Variants in SBNO1 observed in about 807,000 individuals in gnomAD.
SBNO1 encodes the protein strawberry notch homolog 1.
In SBNO1, 23 loss-of-function variants were observed where a neutral mutation model predicts 173.6. The ratio of observed to expected loss-of-function variants is 0.13; its 90% CI spans 0.10 to 0.19. SBNO1 has a LOEUF of 0.19. Among genes scored for constraint, SBNO1 ranks in the 10% least tolerant of loss-of-function variants. The pLI is 1.00. For missense variants in SBNO1, 1,238 were observed against 1,671.2 expected, an observed-to-expected ratio of 0.74 and a Z score of 4.52; for synonymous variants, 632 against 571.5, an observed-to-expected ratio of 1.11 and a Z score of -1.51.
chr12:123,346,641 G>A (rs989676253), intron 3 of SBNO1, among the ~76,000 whole-genome samples: 1 of 152,080 alleles, frequency 6.6e-6, no homozygotes, highest in Admixed American at 6.6e-5. Flanking sequence ...TCCAACCTGG[G>A]CGACAGAGCG....
intron 5 of SBNO1, among the ~76,000 whole-genome samples, chr12:123,340,296 C>T (rs752749475): frequency 2.0e-5 from 3 of 152,062 alleles, no homozygotes; most frequent in Middle Eastern, 3.2e-3. Flanking sequence ...AGAATTCTAA[C>T]CAGGCCGGGT....
At chr12:123,317,492 G>A in intron 20 of SBNO1, 136 bp from the exon 21 acceptor site, 1 of 774,084 alleles carries the variant, frequency 1.3e-6, no homozygotes, top group Non-Finnish European at 2.1e-6. Context: ...TTATTTCCCA[G>A]TCTCCCTTAC....
intron 27 of SBNO1, 25 bp from the exon 28 acceptor site, chr12:123,309,427 A>T: frequency 1.9e-6 from 3 of 1,607,568 alleles, no homozygotes; most frequent in Non-Finnish European, 2.6e-6. Flanking sequence ...ACGAAATTTA[A>T]ACTCATTTCT....
At chr12:123,310,629 G>A (rs1014485898) in intron 25 of SBNO1, among the ~76,000 whole-genome samples, 1 of 152,018 alleles carries the variant, frequency 6.6e-6, no homozygotes. Flanking sequence ...CTGCCTCGCG[G>A]GTTCAAGTAA....
intron 1 of SBNO1, among the ~76,000 whole-genome samples, chr12:123,353,038 T>C (rs1272309420): frequency 6.6e-6 from 1 of 152,032 alleles, no homozygotes; most frequent in African/African-American, 2.4e-5. Flanking sequence ...GCTCAGGCAA[T>C]CCGTCCGCCT....
chr12:123,306,847 T>C (rs1413160066), intron 28 of SBNO1, among the ~76,000 whole-genome samples: 1 of 151,972 alleles, frequency 6.6e-6, no homozygotes, highest in Non-Finnish European at 1.5e-5. Context: ...CTGTTTCTTA[T>C]AATGACATGC....
rs569432262 is a variant in SBNO1, at chr12:123,293,041, G to A, written c.*2867C>T. 5 of 152,276 alleles carry A rather than the reference G, an allele frequency of 3.3e-5. No individual in the cohort carries two copies. Among genetic ancestry groups the A allele is most frequent in the Middle Eastern group, 6.8e-3 (2 of 294 alleles). 9.4% of individuals were successfully genotyped at this position (152,276 alleles called of 1,614,324 possible). A position where few individuals can be genotyped will look rare whatever the true frequency, so the allele number is the denominator to read the frequency against. ...GGAAGTGGTTTTCAGTACAATTGAC[G>A]CTGTAAACTCTGAAAACACGAACAT... is the stretch of plus-strand genomic sequence containing the variant. On this transcript the variant is annotated 3_prime_UTR_variant, in exon 32 of 32. Coordinates refer to ENST00000602398, the MANE Select transcript of SBNO1 (RefSeq NM_001167856.3).
Position 123,309,694 on chromosome 12 carries a change from A to T in SBNO1, c.3442+16T>A. On this transcript the variant is annotated intron_variant, in intron 26 of 31. Coordinates refer to ENST00000602398, the MANE Select transcript of SBNO1 (RefSeq NM_001167856.3). ...TTCCCTGGGGACATTGTGGGGGGGAAATTTTCCCTACTTACCTAAGATTCC... is the reference window on the plus strand; with the variant it reads ...TTCCCTGGGGACATTGTGGGGGGGATATTTTCCCTACTTACCTAAGATTCC... The T allele has an allele frequency of 6.2e-7, 1 of 1,610,636 alleles. No homozygotes were observed. The highest frequency in any genetic ancestry group is 1.7e-4 in the Middle Eastern group (1 of 6,050).
chr12:123,311,732 ATATATATATATATATATT>A (rs1165383619), intron 24 of SBNO1, among the ~76,000 whole-genome samples: 2 of 111,132 alleles, frequency 1.8e-5, no homozygotes, highest in African/African-American at 3.1e-5. Flanking sequence ...ATATATATAT[ATATATATATATATATATT>A]TTTGCGACAG....
chr12:123,342,453 G>GA (rs1035999547), intron 4 of SBNO1, among the ~76,000 whole-genome samples: 29 of 150,904 alleles, frequency 1.9e-4, no homozygotes, highest in African/African-American at 6.1e-4. Context: ...TCTCAAAAAA[G>GA]AAAAAAAACA....
At chr12:123,325,828 T>G (rs7304190) in intron 14 of SBNO1, among the ~76,000 whole-genome samples, 11,271 of 152,248 alleles carry the variant, frequency 0.074, 1,138 homozygotes, top group African/African-American at 0.23. Flanking sequence ...GTGAAGCCCC[T>G]GCCCTTGTAC....
At chr12:123,326,958 G>C (rs933907675) in intron 13 of SBNO1, among the ~76,000 whole-genome samples, 1 of 152,018 alleles carries the variant, frequency 6.6e-6, no homozygotes, top group Non-Finnish European at 1.5e-5. Context: ...AAAACACATT[G>C]GTTAAACAGC....
In SBNO1 at chr12:123,331,574, T is replaced by G. The variant is rs192935585; in HGVS notation, c.910-199A>C. On this transcript the variant is annotated intron_variant, in intron 7 of 31. Coordinates refer to ENST00000602398, the MANE Select transcript of SBNO1 (RefSeq NM_001167856.3). ...TCTCGCTCTGTCGCCCAGGTTGGAG[T>G]GCAGTGGCGCGATCTTGGCTCACTG... 4.9e-3 allele frequency among the ~76,000 whole-genome samples: 744 copies of G among 152,246 alleles called. 6 individuals are homozygous for G. Among genetic ancestry groups the G allele is most frequent in the Non-Finnish European group, 8.5e-3 (581 of 68,020 alleles).
At chr12:123,322,660 C>T (rs951486367) in intron 16 of SBNO1, among the ~76,000 whole-genome samples, 24 of 151,544 alleles carry the variant, frequency 1.6e-4, no homozygotes, top group East Asian at 5.9e-4. Context: ...AATCCCAGCA[C>T]TTTGGGAGGC....
In SBNO1 at chr12:123,311,145, C is replaced by A; in HGVS notation, c.3221-16G>T. The A allele has an allele frequency of 6.3e-7, 1 of 1,590,526 alleles. No individual in the cohort carries two copies. Among genetic ancestry groups the A allele is most frequent in the South Asian group, 1.1e-5 (1 of 90,598 alleles). On this transcript the variant is annotated splice_polypyrimidine_tract_variant and intron_variant, in intron 24 of 31. Transcript: ENST00000602398. ...TGTCGAACATCTGTAAGAACAGGAT[C>A]AATTCTGACTCATAAATTACAAGGG...
chr12:123,334,230 A>G lies in SBNO1; in HGVS notation c.749-17T>C. 6.9e-7 allele frequency: 1 copy of G among 1,459,466 alleles called. No homozygotes were observed. 90.4% of individuals were successfully genotyped at this position (1,459,466 alleles called of 1,614,324 possible). A position where few individuals can be genotyped will look rare whatever the true frequency, so the allele number is the denominator to read the frequency against. On this transcript the variant is annotated splice_polypyrimidine_tract_variant and intron_variant, in intron 6 of 31. Transcript: ENST00000602398. Reference sequence around the variant, plus strand: ...CAATTTTTACTAAACAAAAATGTAAAAACATTTTATTTTAATTATTCTAAG... The same window carrying G: ...CAATTTTTACTAAACAAAAATGTAAGAACATTTTATTTTAATTATTCTAAG...
At chr12:123,359,227 C>A (rs1202531502) in intron 1 of SBNO1, among the ~76,000 whole-genome samples, 1 of 151,404 alleles carries the variant, frequency 6.6e-6, no homozygotes, top group Non-Finnish European at 1.5e-5. Context: ...GCCACCGCAC[C>A]CAGCCTACTG....
intron 25 of SBNO1, among the ~76,000 whole-genome samples, 179 bp from the exon 26 acceptor site, chr12:123,310,035 G>A (rs892275658): frequency 2.0e-5 from 3 of 152,052 alleles, no homozygotes; most frequent in East Asian, 3.9e-4. Flanking sequence ...CACCACTGCA[G>A]GACACGCTCA....
chr12:123,318,282 A>G (rs1281283455), intron 20 of SBNO1, among the ~76,000 whole-genome samples: 2 of 152,282 alleles, frequency 1.3e-5, no homozygotes, highest in Middle Eastern at 6.8e-3. Flanking sequence ...TCTACTAAAA[A>G]TTCAAAAATT....
Sources: allele counts gnomAD v4.1 joint callset (sites outside exome capture counted in the v4.1 genomes callset), GRCh38; gene constraint gnomAD v4.1.1; transcripts MANE v1.5; gene names NCBI Gene and HGNC (gene_info 2026-07-23, HGNC 2026-07-21).